Variants in AVEN observed in about 807,000 individuals in gnomAD.
AVEN encodes the protein apoptosis and caspase activation inhibitor.
AVEN carries 41 observed loss-of-function variants against 38.1 expected under a neutral mutation model. The ratio of observed to expected loss-of-function variants is 1.08; its 90% CI spans 0.84 to 1.40. The LOEUF (loss-of-function observed/expected upper bound fraction) is 1.40, where lower values mean the gene tolerates loss of function less well. Among genes scored for constraint, AVEN ranks in the 40% most tolerant of loss-of-function variants. The probability of loss-of-function intolerance (pLI) is 0.00; values close to 1 mark genes in which losing one functional copy is unlikely to be tolerated. For synonymous variants in AVEN, 206 were observed against 171.8 expected (o/e 1.20, Z -1.56); for missense variants, 605 against 438.8 (o/e 1.38, Z -3.38).
intron 3 of AVEN, 120 bp downstream of exon 3, chr15:33,875,805 G>T: frequency 1.1e-6 from 1 of 945,288 alleles, no homozygotes. Context: ...TTTAGCTGAG[G>T]GTACACTGTA....
chr15:33,864,082 G>GGGAATGAA, downstream of AVEN: 1 of 1,303,520 alleles, frequency 7.7e-7, no homozygotes, highest in Non-Finnish European at 1.1e-6. Context: ...GTTAATCCAT[G>GGGAATGAA]CGAATGAACT....
intron 4 of AVEN, among the ~76,000 whole-genome samples, chr15:33,868,146 G>A (rs554327677): frequency 6.0e-4 from 91 of 152,292 alleles, no homozygotes; most frequent in African/African-American, 2.1e-3. Flanking sequence ...TGTCTTCCTA[G>A]CCCTGGCCTG....
intron 11 of AVEN, chr15:33,860,969 C>G: frequency 1.1e-6 from 1 of 880,724 alleles, no homozygotes; most frequent in African/African-American, 1.7e-5. Context: ...TAGCCAAAAG[C>G]ATTAGAAAGA....
At chr15:33,904,966 C>A (rs926642487) in intron 2 of AVEN, among the ~76,000 whole-genome samples, 2 of 151,380 alleles carry the variant, frequency 1.3e-5, no homozygotes, top group African/African-American at 4.9e-5. Context: ...CTCGTCTCTA[C>A]TAAAAATACA....
At chr15:33,896,651 A>G (rs1334627339) in intron 2 of AVEN, among the ~76,000 whole-genome samples, 1 of 152,212 alleles carries the variant, frequency 6.6e-6, no homozygotes, top group African/African-American at 2.4e-5. Flanking sequence ...CTGAATTTTT[A>G]ACAATCAACT....
At chr15:33,921,114 T>A (rs778466441) in intron 2 of AVEN, among the ~76,000 whole-genome samples, 50 of 152,348 alleles carry the variant, frequency 3.3e-4, no homozygotes, top group Non-Finnish European at 5.1e-4. Flanking sequence ...TGTGTGCCCT[T>A]GATAACTGTT....
chr15:33,898,341 T>C (rs548921811), intron 2 of AVEN, among the ~76,000 whole-genome samples: 19 of 152,196 alleles, frequency 1.2e-4, no homozygotes, highest in Non-Finnish European at 2.6e-4. Context: ...AGGGCAGCCT[T>C]GTACAGGACC....
intron 1 of AVEN, among the ~76,000 whole-genome samples, chr15:34,033,280 C>T (rs564809459): frequency 6.6e-6 from 1 of 152,028 alleles, no homozygotes; most frequent in East Asian, 1.9e-4. Context: ...CAGAAGCGGG[C>T]GGACTGCCTG....
chr15:33,902,103 A>G (rs546577232), intron 2 of AVEN, among the ~76,000 whole-genome samples: 1 of 152,338 alleles, frequency 6.6e-6, no homozygotes, highest in African/African-American at 2.4e-5. Flanking sequence ...GTCATTGCCA[A>G]GGCCATCTAT....
intron 2 of AVEN, among the ~76,000 whole-genome samples, chr15:33,945,414 T>C (rs1398915824): frequency 1.3e-5 from 2 of 152,196 alleles, no homozygotes; most frequent in Non-Finnish European, 2.9e-5. Context: ...CCAGTCTTGA[T>C]GCCCTGAACC....
intron 2 of AVEN, among the ~76,000 whole-genome samples, chr15:33,962,100 T>A (rs1895212389): frequency 6.6e-6 from 1 of 151,990 alleles, no homozygotes; most frequent in Non-Finnish European, 1.5e-5. Flanking sequence ...CGGAGAGAAG[T>A]TATGATTGGT....
At chr15:34,031,734 G>C (rs947234190) in intron 1 of AVEN, among the ~76,000 whole-genome samples, 31 of 152,228 alleles carry the variant, frequency 2.0e-4, no homozygotes, top group African/African-American at 7.5e-4. Flanking sequence ...CACAGGAATT[G>C]CCTTTTAAGC....
intron 2 of AVEN, among the ~76,000 whole-genome samples, chr15:33,907,737 A>G (rs143227561): frequency 4.6e-5 from 7 of 152,160 alleles, no homozygotes; most frequent in African/African-American, 1.4e-4. Context: ...CTTGAAAACA[A>G]TAAAGCACTA....
chr15:33,974,625 T>C (rs1478948902), intron 2 of AVEN, among the ~76,000 whole-genome samples: 1 of 152,214 alleles, frequency 6.6e-6, no homozygotes, highest in South Asian at 2.1e-4. Flanking sequence ...GAATAATGCA[T>C]GTGTACGTCC....
intron 1 of AVEN, among the ~76,000 whole-genome samples, chr15:34,017,425 C>A (rs574435666): frequency 6.6e-6 from 1 of 151,802 alleles, no homozygotes; most frequent in Non-Finnish European, 1.5e-5. Flanking sequence ...CACATAACTA[C>A]CCATTCTCGT....
At chr15:33,857,680 C>T (rs536740644), downstream of AVEN, 49 of 1,467,990 alleles carry the variant, frequency 3.3e-5, no homozygotes, top group African/African-American at 5.1e-4. Flanking sequence ...TCTCCTTGCC[C>T]GTCCTCACTC....
At chr15:33,989,792 C>T (rs1488488842) in intron 2 of AVEN, among the ~76,000 whole-genome samples, 3 of 151,872 alleles carry the variant, frequency 2.0e-5, no homozygotes, top group Non-Finnish European at 2.9e-5. Context: ...TGCTCTCCTT[C>T]CCAAAACCCA....
At chr15:34,054,070 G>A (rs1483626456) in intron 5 of AVEN, among the ~76,000 whole-genome samples, 6 of 150,144 alleles carry the variant, frequency 4.0e-5, no homozygotes, top group Admixed American at 4.0e-4. Flanking sequence ...CAAAAAACGT[G>A]AAAAAAAAAC....
chr15:34,061,062 A>T (rs987638539), intron 5 of AVEN, among the ~76,000 whole-genome samples: 1 of 151,350 alleles, frequency 6.6e-6, no homozygotes, highest in Non-Finnish European at 1.5e-5. Flanking sequence ...GCCCATTATC[A>T]TGTCAAGGTG....
Sources: gnomAD v4.1 joint callset for allele counts (sites outside exome capture counted in the v4.1 genomes callset) on GRCh38, gnomAD v4.1.1 for gene constraint, MANE v1.5 for transcripts, NCBI Gene and HGNC (gene_info 2026-07-23, HGNC 2026-07-21) for gene names.